TMEM214: variants seen among roughly 807,000 people sequenced by gnomAD.
The protein encoded by TMEM214 is transmembrane protein 214.
A neutral mutation model predicts 89.8 loss-of-function variants in TMEM214; 71 were observed. The ratio of observed to expected loss-of-function variants is 0.79; its 90% CI spans 0.65 to 0.96. TMEM214 has a LOEUF of 0.96. Among genes scored for constraint, TMEM214 ranks in the 40% least tolerant of loss-of-function variants. The pLI is 0.00. For missense variants in TMEM214, 754 were observed against 843.4 expected, an observed-to-expected ratio of 0.89 and a Z score of 1.31; for synonymous variants, 332 against 349.5, an observed-to-expected ratio of 0.95 and a Z score of 0.56.
At position 27,035,274 on chromosome 2, in the gene TMEM214, A is replaced by G. The variant is rs1667502825; in HGVS notation, c.491A>G (p.Gln164Arg). The G allele has an allele frequency of 1.2e-6, 2 of 1,614,266 alleles. No individual in the cohort carries two copies. Among genetic ancestry groups the G allele is most frequent in the Non-Finnish European group, 1.7e-6 (2 of 1,180,060 alleles). ...QAPLSEPTLSQHTHDYPYSLV... is the reference protein window; with the variant it reads ...QAPLSEPTLSRHTHDYPYSLV... ...CCTCTAAGTGAACCCACGCTGAGCC[A>G]GCATACTCATGGTAAGTCCTTCCAG... Residue 164 changes from glutamine to arginine, a missense_variant, in exon 3 of 17, where the codon CAG becomes CGG. By Grantham distance (43) the Gln-to-Arg change is conservative. Coordinates refer to ENST00000238788, the MANE Select transcript of TMEM214 (RefSeq NM_017727.5).
intron 13 of TMEM214, 89 bp downstream of exon 13, chr2:27,039,253 T>G (rs558831845): frequency 3.5e-6 from 4 of 1,137,106 alleles, no homozygotes; most frequent in Non-Finnish European, 5.2e-6. Flanking sequence ...GCAGCACACA[T>G]CTTTGTCCTG....
At position 27,040,871 on chromosome 2, in the gene TMEM214, G is replaced by A. The variant is rs758387710; in HGVS notation, c.*34G>A. On this transcript the variant is annotated 3_prime_UTR_variant, in exon 17 of 17. Transcript: ENST00000238788. ...TTCCTGGCCACTGATTTCTGCATGGGTAGACCATCCAAGACTGCAGCGGGT... is the reference window on the plus strand; with the variant it reads ...TTCCTGGCCACTGATTTCTGCATGGATAGACCATCCAAGACTGCAGCGGGT... The A allele has an allele frequency of 1.7e-5, 28 of 1,605,808 alleles. 1 individual carries two copies. In the South Asian group the frequency reaches 2.9e-4, roughly 16 times the overall value.
intron 13 of TMEM214, 56 bp downstream of exon 13, chr2:27,039,220 G>T: frequency 1.4e-6 from 2 of 1,449,498 alleles, no homozygotes; most frequent in Non-Finnish European, 1.9e-6. Flanking sequence ...AGAGCTACAC[G>T]TAGCACCACC....
At chr2:27,039,322 A>G (rs1667716726) in intron 13 of TMEM214, 158 bp downstream of exon 13, 5 of 634,426 alleles carry the variant, frequency 7.9e-6, no homozygotes, top group Non-Finnish European at 1.1e-5. Flanking sequence ...GTCCACAGAT[A>G]TGACACTACC....
chr2:27,040,408 C>G lies in TMEM214; in HGVS notation c.1855C>G (p.Leu619Val), dbSNP rs549472451. Residue 619 changes from leucine to valine, a missense_variant, in exon 16 of 17, where the codon CTT becomes GTT. Transcript: ENST00000238788. ...LLRYLRELPL[L>V]FHQNVLLPLW... ...CCGCTATCTGAGAGAGCTGCCCCTG[C>G]TTTTCCACCAGAATGTGCTGCTGCC... 6.2e-7 allele frequency: 1 copy of G among 1,614,130 alleles called. No individual in the cohort carries two copies. Among genetic ancestry groups the G allele is most frequent in the East Asian group, 2.2e-5 (1 of 44,900 alleles).
In TMEM214 at chr2:27,037,650, C is replaced by T. The variant is rs965584249; in HGVS notation, c.1100C>T (p.Pro367Leu). 9.9e-6 allele frequency: 16 copies of T among 1,614,202 alleles called. No homozygotes were observed. Among genetic ancestry groups the T allele is most frequent in the Non-Finnish European group, 1.4e-5 (16 of 1,180,034 alleles). Residue 367 changes from proline (P) to leucine (L), a missense_variant, in exon 9 of 17, where the codon CCT becomes CTT. By Grantham distance (98) the Pro-to-Leu change is moderately conservative. Coordinates refer to ENST00000238788, the MANE Select transcript of TMEM214 (RefSeq NM_017727.5). ...GATTCCACCCTGCATACCTACTTCC[C>T]TTCTTTCCTGTCCAGAGCCACCCCT... is the stretch of plus-strand genomic sequence containing the variant. ...KPDSTLHTYFPSFLSRATPSC... is the reference protein window; with the variant it reads ...KPDSTLHTYFLSFLSRATPSC...
At chr2:27,036,161 G>C (rs1667549416) in intron 5 of TMEM214, 109 bp downstream of exon 5, 10 of 921,842 alleles carry the variant, frequency 1.1e-5, no homozygotes, top group Non-Finnish European at 1.7e-5. Flanking sequence ...TGTAAGCCTA[G>C]TAATAATGGG....
At chr2:27,036,390 C>T (rs1471914767) in intron 5 of TMEM214, 97 bp from the exon 6 acceptor site, 2 of 1,062,114 alleles carry the variant, frequency 1.9e-6, no homozygotes, top group East Asian at 2.4e-5. Flanking sequence ...GGCCTGTCCT[C>T]CCTCTTCCAG....
chr2:27,035,772 CTTT>C (rs1232413199), intron 4 of TMEM214, 44 bp downstream of exon 4: 1 of 1,613,068 alleles, frequency 6.2e-7, no homozygotes, highest in Admixed American at 1.7e-5. Flanking sequence ...GAGCCTCCTC[CTTT>C]TTTTCCTGCT....
At position 27,035,246 on chromosome 2, in the gene TMEM214, G is replaced by C; in HGVS notation, c.463G>C (p.Ala155Pro). 1.9e-6 allele frequency: 3 copies of C among 1,614,194 alleles called. No individual in the cohort carries two copies. The highest frequency in any genetic ancestry group is 1.7e-6 in the Non-Finnish European group (2 of 1,180,044). ...CAGCTATCTCAACTACAAGCTACAA[G>C]CTCCTCTAAGTGAACCCACGCTGAG... is the stretch of plus-strand genomic sequence containing the variant. ...LASYLNYKLQ[A>P]PLSEPTLSQH... The change falls in exon 3 of 17, where the codon GCT becomes CCT. Residue 155 changes from alanine (A) to proline (P), a missense_variant. Transcript: ENST00000238788.
rs752945905 is a variant in TMEM214, at chr2:27,038,223, C to A, written c.1230C>A (p.His410Gln). Residue 410 changes from histidine to glutamine, a missense_variant, in exon 10 of 17, where the codon CAC becomes CAA. Coordinates refer to ENST00000238788, the MANE Select transcript of TMEM214 (RefSeq NM_017727.5). The surrounding 1 kb of genome is among the most constrained non-coding windows in gnomAD (Gnocchi z 4.4). ...ASVWRQLYPK[H>Q]LSQSSLLLEH... ...TCTGGAGGCAGCTGTACCCTAAGCA[C>A]CTGTCACAGTCCAGGCAGGTGGGGT... 1.4e-5 allele frequency: 23 copies of A among 1,613,948 alleles called. No individual in the cohort carries two copies. In the Admixed American group the frequency reaches 1.7e-4, roughly 12 times the overall value.
chr2:27,039,285 G>A (rs1438309040), intron 13 of TMEM214, 121 bp downstream of exon 13: 9 of 814,722 alleles, frequency 1.1e-5, no homozygotes, highest in Non-Finnish European at 1.6e-5. Flanking sequence ...ATCCTGCAGA[G>A]TAAACACTTT....
intron 8 of TMEM214, 75 bp downstream of exon 8, chr2:27,037,253 C>A: frequency 8.0e-7 from 1 of 1,250,214 alleles, no homozygotes; most frequent in Non-Finnish European, 1.2e-6. Flanking sequence ...CCCGTCTCTC[C>A]TTCCCCAGCC....
Position 27,037,771 on chromosome 2 carries a change from A to G in TMEM214, c.1152+69A>G, listed in dbSNP as rs147246116. On this transcript the variant is annotated intron_variant, in intron 9 of 16. Coordinates refer to ENST00000238788, the MANE Select transcript of TMEM214 (RefSeq NM_017727.5). The stretch of plus-strand genomic sequence containing the variant: ...GCTGTAGCGGTCCCTATCTGCTGAC[A>G]AAGGCCTTGCCTTCACAGAGCCCAT... The G allele has an allele frequency of 2.2e-5, 35 of 1,613,720 alleles. No individual in the cohort carries two copies. In the Middle Eastern group the frequency reaches 5.0e-4, roughly 23 times the overall value.
rs1667501745 is a variant in TMEM214, at chr2:27,035,261, C to A, written c.478C>A (p.Pro160Thr). The change falls in exon 3 of 17, where the codon CCC (proline) becomes ACC (threonine). Residue 160 changes from proline (P) to threonine (T), a missense_variant. Physicochemically the swap from Pro to Thr is conservative, Grantham distance 38 (BLOSUM62 -1). Coordinates refer to ENST00000238788, the MANE Select transcript of TMEM214 (RefSeq NM_017727.5). ...CAAGCTACAAGCTCCTCTAAGTGAA[C>A]CCACGCTGAGCCAGCATACTCATGG... ...NYKLQAPLSEPTLSQHTHDYP... is the reference protein window; with the variant it reads ...NYKLQAPLSETTLSQHTHDYP... 9.9e-6 allele frequency: 16 copies of A among 1,614,220 alleles called. No homozygotes were observed. Among genetic ancestry groups the A allele is most frequent in the African/African-American group, 1.3e-5 (1 of 75,052 alleles).
chr2:27,035,018 TGGAATC>T, intron 2 of TMEM214, 111 bp from the exon 3 acceptor site: 1 of 1,129,416 alleles, frequency 8.9e-7, no homozygotes, highest in Non-Finnish European at 1.3e-6. Flanking sequence ...TGCTTAAAAA[TGGAATC>T]CCTTCTTCCT....
rs903652390 is a variant in TMEM214, at chr2:27,039,701, CCT to C, written c.1526-36_1526-35del. On this transcript the variant is annotated intron_variant, in intron 13 of 16. Coordinates refer to ENST00000238788, the MANE Select transcript of TMEM214 (RefSeq NM_017727.5). ...AGTGTCTGTCTCCCCAGTCCCTGCC[CCT>C]CTCACCTCCCAGCTCACCAGAGGCC... The C allele has an allele frequency of 3.8e-6, 6 of 1,558,818 alleles. No individual in the cohort carries two copies. In the African/African-American group the frequency reaches 8.1e-5, roughly 21 times the overall value.
chr2:27,035,113 G>T (rs766482278), intron 2 of TMEM214, 22 bp from the exon 3 acceptor site: 1 of 1,612,944 alleles, frequency 6.2e-7, no homozygotes, highest in Non-Finnish European at 8.5e-7. Flanking sequence ...ATGGTGGGGG[G>T]TTGGGGGATT....
rs1192234031 is a variant in TMEM214 at position 27,038,804 on chromosome 2, A to G, written c.1396A>G (p.Met466Val). 1 of 1,614,026 alleles carries G rather than the reference A, an allele frequency of 6.2e-7. No individual in the cohort carries two copies. The highest frequency in any genetic ancestry group is 8.5e-7 in the Non-Finnish European group (1 of 1,179,898). Residue 466 changes from methionine to valine, a missense_variant, in exon 12 of 17, where the codon ATG (methionine) becomes GTG (valine). Physicochemically the swap from Met to Val is conservative, Grantham distance 21 (BLOSUM62 1). Coordinates refer to ENST00000238788, the MANE Select transcript of TMEM214 (RefSeq NM_017727.5). This position sits in a 1 kb window ranked among gnomAD's most constrained non-coding sequence, Gnocchi z 4.4. ...SNNQDVVTCD[M>V]ACKGLLQQVQ... ...CAACCAGGATGTCGTCACCTGTGACATGGCCTGCAAGGTGCTGGCACCCGG... is the reference window on the plus strand; with the variant it reads ...CAACCAGGATGTCGTCACCTGTGACGTGGCCTGCAAGGTGCTGGCACCCGG...
Sources: gnomAD v4.1 joint callset for allele counts on GRCh38, gnomAD v4.1.1 for gene constraint, Gnocchi (gnomAD v3.1) non-coding constraint, MANE v1.5 for transcripts, NCBI Gene and HGNC (gene_info 2026-07-23, HGNC 2026-07-21) for gene names.